The following IL18RAP variants were observed in gnomAD, a reference collection of about 807,000 sequenced individuals.
The protein encoded by IL18RAP is interleukin-18 receptor accessory protein.
Under a neutral mutation model 58.1 loss-of-function variants are expected in IL18RAP, and 37 were observed. The ratio of observed to expected loss-of-function variants is 0.64; its 90% CI spans 0.49 to 0.84. The LOEUF is 0.84. IL18RAP is among the 40% of genes least tolerant of loss of function. IL18RAP has a pLI of 0.00. For synonymous variants in IL18RAP, 268 were observed against 257.5 expected (o/e 1.04, Z -0.39); for missense variants, 667 against 704.8 (o/e 0.95, Z 0.61).
chr2:102,445,426 A>G, intron 7 of IL18RAP, 86 bp downstream of exon 7: 1 of 1,321,572 alleles, frequency 7.6e-7, no homozygotes, highest in South Asian at 1.3e-5. Flanking sequence ...AATAATGATG[A>G]CAGCGATTAC....
chr2:102,443,142 T>C (rs1426027586), intron 5 of IL18RAP, 58 bp from the exon 6 acceptor site: 7 of 1,548,552 alleles, frequency 4.5e-6, no homozygotes, highest in Non-Finnish European at 6.1e-6. Context: ...CTCCCAGATG[T>C]AGGACAAAGT....
rs751545860 is a variant in IL18RAP, at chr2:102,450,941, T to A, written c.1304T>A (p.Leu435Gln). 1.7e-5 allele frequency: 28 copies of A among 1,612,412 alleles called. No individual in the cohort carries two copies. The highest frequency in any genetic ancestry group is 2.4e-5 in the Non-Finnish European group (28 of 1,179,274). ...TSSLSEEHLA[L>Q]SLFPDVLENK... ...TCTCTGAGTGAAGAACACTTGGCCC[T>A]GAGCCTATTTCCTGATGTTTTAGAA... The change falls in exon 9 of 10, where the codon CTG becomes CAG. Residue 435 changes from leucine (L) to glutamine (Q), a missense_variant. Coordinates refer to ENST00000687160, the MANE Select transcript of IL18RAP (RefSeq NM_001393487.1).
chr2:102,421,571 C>A (rs934085624), upstream of IL18RAP, among the ~76,000 whole-genome samples: 2 of 152,208 alleles, frequency 1.3e-5, no homozygotes, highest in African/African-American at 4.8e-5. Context: ...ATTGCTGATC[C>A]TGCCTTGTTC....
At chr2:102,450,050 G>A (rs909940944) in intron 8 of IL18RAP, among the ~76,000 whole-genome samples, 4 of 152,186 alleles carry the variant, frequency 2.6e-5, no homozygotes, top group Non-Finnish European at 4.4e-5. Flanking sequence ...ACTGTTTACC[G>A]TTTTGTAACA....
rs148604128 is a variant in IL18RAP, at chr2:102,424,404, C to A, written c.569C>A (p.Thr190Asn). The A allele has an allele frequency of 3.3e-5, 53 of 1,613,502 alleles. No individual in the cohort carries two copies. The highest frequency in any genetic ancestry group is 4.2e-5 in the Non-Finnish European group (49 of 1,179,670). Residue 190 changes from threonine to asparagine, a missense_variant, in exon 3 of 10, where the codon ACC (threonine) becomes AAC (asparagine). By Grantham distance (65) the Thr-to-Asn change is moderately conservative (BLOSUM62 0). Coordinates refer to ENST00000687160, the MANE Select transcript of IL18RAP (RefSeq NM_001393487.1). ...CQSDAQSPAVTWYKNGKLLSV... is the reference protein window; with the variant it reads ...CQSDAQSPAVNWYKNGKLLSV... ...AGTGATGCACAAAGTCCAGCGGTAA[C>A]CTGGTACAAGGTAAGAGTGAATTCT...
intron 8 of IL18RAP, 65 bp downstream of exon 8, chr2:102,447,272 C>T (rs1460133302): frequency 1.3e-6 from 2 of 1,538,256 alleles, no homozygotes; most frequent in Non-Finnish European, 1.8e-6. Flanking sequence ...AGCAGGACAA[C>T]AGAAAATACC....
chr2:102,439,636 A>G (rs56166614), intron 4 of IL18RAP: 39,271 of 152,226 alleles, frequency 0.26, 5,363 homozygotes, highest in East Asian at 0.4. Flanking sequence ...TGGTTTTTAC[A>G]TAAAAGGTAG....
chr2:102,423,412 C>T (rs934627331), intron 1 of IL18RAP, 65 bp downstream of exon 1: 2 of 1,273,948 alleles, frequency 1.6e-6, no homozygotes, highest in East Asian at 4.6e-5. Flanking sequence ...TGATGGATAA[C>T]CTGATATATC....
chr2:102,427,347 C>T (rs533276964), intron 3 of IL18RAP, among the ~76,000 whole-genome samples: 42 of 152,138 alleles, frequency 2.8e-4, no homozygotes, highest in African/African-American at 9.6e-4. Flanking sequence ...CTCTTAATGG[C>T]TGTACTAATT....
intron 7 of IL18RAP, 81 bp downstream of exon 7, chr2:102,445,421 T>G: frequency 1.5e-6 from 2 of 1,362,938 alleles, no homozygotes; most frequent in Non-Finnish European, 2.1e-6. Context: ...ATAGTAATAA[T>G]GATGACAGCG....
In IL18RAP at chr2:102,442,195, G is replaced by T. The variant is rs114926356; in HGVS notation, c.796+818G>T. Among the ~76,000 whole-genome samples, 525 of 151,852 alleles carry T rather than the reference G, an allele frequency of 3.5e-3. 6 individuals carry two copies. Among genetic ancestry groups the T allele is most frequent in the African/African-American group, 0.012 (483 of 41,422 alleles). ...TTGAGGAGAAATTGACTTCCCTGTG[G>T]GTCTCCTTTTATTTTGTCAACTTCA... On this transcript the variant is annotated intron_variant, in intron 5 of 9. Transcript: ENST00000687160.
At chr2:102,429,229 T>A (rs1682173963) in intron 3 of IL18RAP, among the ~76,000 whole-genome samples, 1 of 151,970 alleles carries the variant, frequency 6.6e-6, no homozygotes, top group South Asian at 2.1e-4. Flanking sequence ...GGAAGTTTTA[T>A]TACTGATTCA....
At chr2:102,447,348 A>T in intron 8 of IL18RAP, 141 bp downstream of exon 8, 1 of 943,094 alleles carries the variant, frequency 1.1e-6, no homozygotes, top group Non-Finnish European at 1.6e-6. Flanking sequence ...GTCCCCTGCC[A>T]GCCAGGGCAG....
chr2:102,428,452 C>G (rs921812650), intron 3 of IL18RAP, among the ~76,000 whole-genome samples: 5 of 149,534 alleles, frequency 3.3e-5, no homozygotes, highest in Admixed American at 1.3e-4. Context: ...AACTATTTTA[C>G]TATGTTAGTT....
chr2:102,446,989 G>A, intron 7 of IL18RAP, 81 bp from the exon 8 acceptor site: 3 of 1,399,770 alleles, frequency 2.1e-6, no homozygotes, highest in East Asian at 2.4e-5. Flanking sequence ...GGTGCTGGGT[G>A]GGCCATAGCG....
chr2:102,445,245 T>C lies in IL18RAP; in HGVS notation c.977T>C (p.Val326Ala). Residue 326 changes from valine (V) to alanine (A), a missense_variant, in exon 7 of 10, where the codon GTC becomes GCC. By Grantham distance (64) the Val-to-Ala change is moderately conservative (BLOSUM62 0). Transcript: ENST00000687160. Reference protein sequence around the residue: ...IIERNIILEKVTQRDLRRKFV... With the variant: ...IIERNIILEKATQRDLRRKFV... ...GAGCGTAATATCATCTTGGAAAAAG[T>C]CACTCAGCGTGATCTTCGCAGGAAG... The C allele has an allele frequency of 6.2e-7, 1 of 1,614,118 alleles. No homozygotes were observed. The highest frequency in any genetic ancestry group is 8.5e-7 in the Non-Finnish European group (1 of 1,179,972).
In IL18RAP at chr2:102,424,027, A is replaced by C; in HGVS notation, c.287A>C (p.Asp96Ala). Residue 96 changes from aspartate to alanine, a missense_variant, in exon 2 of 10, where the codon GAC (aspartate) becomes GCC (alanine). Physicochemically the swap from Asp to Ala is moderately radical, Grantham distance 126. Coordinates refer to ENST00000687160, the MANE Select transcript of IL18RAP (RefSeq NM_001393487.1). ...QQPSNGDPLE[D>A]IRKSYPHIIQ... ...CCTTCGAATGGAGATCCATTAGAGG[A>C]CATTAGGAAAAGCTATCCTCACATC... 1 of 1,614,110 alleles carries C rather than the reference A, an allele frequency of 6.2e-7. No individual in the cohort carries two copies. The highest frequency in any genetic ancestry group is 1.3e-5 in the African/African-American group (1 of 75,040).
intron 7 of IL18RAP, among the ~76,000 whole-genome samples, chr2:102,446,164 G>C (rs1683401900): frequency 6.6e-6 from 1 of 152,200 alleles, no homozygotes; most frequent in Non-Finnish European, 1.5e-5. Context: ...TAAATGGATT[G>C]TGTGGACGTT....
Position 102,447,110 on chromosome 2 carries a change from G to C in IL18RAP, c.1113G>C (p.Leu371=). 1 of 1,614,114 alleles carries C rather than the reference G, an allele frequency of 6.2e-7. No individual in the cohort carries two copies. Among genetic ancestry groups the C allele is most frequent in the Non-Finnish European group, 8.5e-7 (1 of 1,180,024 alleles). The change falls in exon 8 of 10, where the codon CTG becomes CTC. Residue 371 remains leucine (L), a synonymous_variant. Coordinates refer to ENST00000687160, the MANE Select transcript of IL18RAP (RefSeq NM_001393487.1). ...LYILLGTIGT[L]VAVLAASALL... is the part of the protein sequence containing the mutation. ...TCCTGCTTGGCACCATCGGGACCCT[G>C]GTGGCCGTGCTGGCGGCGAGTGCCC...
Sources: allele counts gnomAD v4.1 joint callset (sites outside exome capture counted in the v4.1 genomes callset), GRCh38; gene constraint gnomAD v4.1.1; transcripts MANE v1.5; gene names NCBI Gene and HGNC (gene_info 2026-07-23, HGNC 2026-07-21).